The following ABAT variants were observed in gnomAD, a reference collection of about 807,000 sequenced individuals.
ABAT encodes 4-aminobutyrate aminotransferase, also known as 4-aminobutyrate aminotransferase, mitochondrial.
ABAT carries 45 observed loss-of-function variants against 64.6 expected under a neutral mutation model. The ratio of observed to expected loss-of-function variants is 0.70; its 90% CI spans 0.55 to 0.89. The LOEUF is 0.89. ABAT is among the 40% of genes least tolerant of loss of function. The probability of loss-of-function intolerance (pLI) is 0.00; values close to 1 mark genes in which losing one functional copy is unlikely to be tolerated. For missense variants in ABAT, 633 were observed against 658.4 expected, an observed-to-expected ratio of 0.96 and a Z score of 0.42; for synonymous variants, 297 against 250.5, an observed-to-expected ratio of 1.19 and a Z score of -1.75.
Position 8,703,035 on chromosome 16 carries a change from T to G in ABAT, c.-42+28324T>G, listed in dbSNP as rs919486088. Among the ~76,000 whole-genome samples, 20 of 151,740 alleles carry G rather than the reference T, an allele frequency of 1.3e-4. 1 individual carries two copies. The highest frequency in any genetic ancestry group is 4.2e-4 in the South Asian group (2 of 4,752). On this transcript the variant is annotated intron_variant, in intron 1 of 15. Transcript: ENST00000268251. Reference sequence around the variant, plus strand: ...GAAGATGCAGGCACCGAGATCCAGGTAGAGTTGACGAACACCTCTCTACTG... The same window carrying G: ...GAAGATGCAGGCACCGAGATCCAGGGAGAGTTGACGAACACCTCTCTACTG...
Position 8,748,119 on chromosome 16 carries a change from A to T in ABAT, c.180A>T (p.Lys60Asn). 2.5e-6 allele frequency: 4 copies of T among 1,613,678 alleles called. No individual in the cohort carries two copies. The highest frequency in any genetic ancestry group is 3.4e-6 in the Non-Finnish European group (4 of 1,179,708). ...VPGPRSQELM[K>N]QLNIIQNAEA... ...GTTCTTGCCTGCAGGAGTTAATGAA[A>T]CAGCTGAATATAATTCAGGTAAGTG... Residue 60 changes from lysine to asparagine, a missense_variant, in exon 4 of 16, where the codon AAA becomes AAT. Physicochemically the swap from Lys to Asn is moderately conservative, Grantham distance 94 (BLOSUM62 0). Coordinates refer to ENST00000268251, the MANE Select transcript of ABAT (RefSeq NM_020686.6).
chr16:8,733,232 G>C (rs542220964), intron 1 of ABAT, among the ~76,000 whole-genome samples: 2,004 of 151,316 alleles, frequency 0.013, 98 homozygotes, highest in African/African-American at 0.046. Context: ...CTTCTCAGAC[G>C]GGGCGGCCGG....
rs560078214 is a variant in ABAT at position 8,676,147 on chromosome 16, G to A, written c.-42+1436G>A. Among the ~76,000 whole-genome samples the A allele has an allele frequency of 4.6e-5, 7 of 152,282 alleles. No individual in the cohort carries two copies. In the South Asian group the frequency reaches 1.5e-3, roughly 32 times the overall value. ...TCTTTGGAGCCTGTGTTGCGGCGTG[G>A]AGTCATAGAGAAATGTGTTTTCTCG... On this transcript the variant is annotated intron_variant, in intron 1 of 15. Coordinates refer to ENST00000268251, the MANE Select transcript of ABAT (RefSeq NM_020686.6).
At chr16:8,773,105 T>TATACACACACACACACAC (rs774327698) in intron 12 of ABAT, among the ~76,000 whole-genome samples, 188 bp downstream of exon 12, 4 of 108,966 alleles carry the variant, frequency 3.7e-5, no homozygotes, top group Non-Finnish European at 7.4e-5. Flanking sequence ...CCTAAAACTA[T>TATACACACACACACACAC]ACACACACAC....
intron 8 of ABAT, chr16:8,765,946 G>A (rs985430821): frequency 7.1e-6 from 3 of 422,672 alleles, no homozygotes; most frequent in Middle Eastern, 4.8e-4. Context: ...GGCAAAACAT[G>A]CAACGCTCTC....
intron 1 of ABAT, among the ~76,000 whole-genome samples, chr16:8,678,000 C>G (rs2057244071): frequency 6.6e-6 from 1 of 151,876 alleles, no homozygotes; most frequent in Non-Finnish European, 1.5e-5. Context: ...GTCGAAGCTG[C>G]AGTGAGCCAT....
chr16:8,727,997 G>C (rs1249466780), intron 1 of ABAT, among the ~76,000 whole-genome samples: 2 of 152,210 alleles, frequency 1.3e-5, no homozygotes, highest in Non-Finnish European at 2.9e-5. Context: ...CTAGAGCCCG[G>C]GCGATAGAGG....
rs77381348 is a variant in ABAT, at chr16:8,695,590, C to T, written c.-42+20879C>T. On this transcript the variant is annotated intron_variant, in intron 1 of 15. Transcript: ENST00000268251. ...GGCACTACTCCACTACATCAGAAGA[C>T]GTTTAAAAGCATCAGTGATGTCTGG... is the stretch of plus-strand genomic sequence containing the variant. 7.2e-3 allele frequency among the ~76,000 whole-genome samples: 1,103 copies of T among 152,294 alleles called. 12 individuals carry two copies. Among genetic ancestry groups the T allele is most frequent in the African/African-American group, 0.025 (1,043 of 41,572 alleles).
chr16:8,775,168 G>GACC, intron 13 of ABAT, 111 bp downstream of exon 13: 2 of 1,433,664 alleles, frequency 1.4e-6, no homozygotes, highest in Non-Finnish European at 1.9e-6. Flanking sequence ...TTACTGGGTC[G>GACC]CAGGTTTTCT....
chr16:8,772,731 T>C (rs912003504), intron 11 of ABAT, 49 bp from the exon 12 acceptor site: 4 of 1,613,410 alleles, frequency 2.5e-6, no homozygotes, highest in Non-Finnish European at 3.4e-6. Flanking sequence ...CCACGGATAC[T>C]GGTCACAAGC....
At chr16:8,769,642 C>G (rs2060047270) in intron 11 of ABAT, among the ~76,000 whole-genome samples, 1 of 151,050 alleles carries the variant, frequency 6.6e-6, no homozygotes, top group South Asian at 2.1e-4. Context: ...ACAAGATCCT[C>G]TAAACCACTG....
chr16:8,745,459 G>A (rs545414646), intron 2 of ABAT, among the ~76,000 whole-genome samples: 1 of 152,088 alleles, frequency 6.6e-6, no homozygotes, highest in African/African-American at 2.4e-5. Context: ...CACTTTGGGA[G>A]GTCAAGGCAG....
At chr16:8,751,910 A>G (rs1336699002) in intron 5 of ABAT, among the ~76,000 whole-genome samples, 1 of 152,224 alleles carries the variant, frequency 6.6e-6, no homozygotes, top group Non-Finnish European at 1.5e-5. Flanking sequence ...TGCTATTTGC[A>G]GCTTGGATGG....
chr16:8,759,435 C>A (rs114230327), intron 6 of ABAT, among the ~76,000 whole-genome samples: 1 of 151,864 alleles, frequency 6.6e-6, no homozygotes, highest in African/African-American at 2.4e-5. Context: ...TGCCCCCACC[C>A]AGTTATTATT....
At chr16:8,712,495 T>C (rs763815021) in intron 1 of ABAT, among the ~76,000 whole-genome samples, 3 of 152,202 alleles carry the variant, frequency 2.0e-5, no homozygotes, top group Non-Finnish European at 4.4e-5. Context: ...GGAAATGGTC[T>C]AGGCGCCGTG....
intron 1 of ABAT, among the ~76,000 whole-genome samples, chr16:8,697,203 A>G (rs1456257815): frequency 5.3e-5 from 8 of 151,942 alleles, no homozygotes; most frequent in African/African-American, 1.9e-4. Flanking sequence ...CCCGGGGGAA[A>G]CTCATTCCAG....
intron 5 of ABAT, among the ~76,000 whole-genome samples, chr16:8,754,099 C>G (rs1641017): frequency 0.95 from 143,442 of 150,634 alleles, 68,545 homozygotes; most frequent in East Asian, 1. Flanking sequence ...TAATCCCACA[C>G]TTTGGGAAGC....
At chr16:8,775,842 G>C (rs1030626131) in intron 13 of ABAT, among the ~76,000 whole-genome samples, 8 of 152,166 alleles carry the variant, frequency 5.3e-5, no homozygotes, top group African/African-American at 1.2e-4. Context: ...AGGGAGGCTG[G>C]GAAGGGTGTT....
chr16:8,779,835 C>T (rs2060381312), intron 15 of ABAT, among the ~76,000 whole-genome samples: 1 of 152,184 alleles, frequency 6.6e-6, no homozygotes, highest in South Asian at 2.1e-4. Context: ...GAGACAGTTA[C>T]AGTGATGATG....
Sources: gnomAD v4.1 joint callset for allele counts (sites outside exome capture counted in the v4.1 genomes callset) on GRCh38, gnomAD v4.1.1 for gene constraint, MANE v1.5 for transcripts, NCBI Gene and HGNC (gene_info 2026-07-23, HGNC 2026-07-21) for gene names.